HLCS: variants seen among roughly 807,000 people sequenced by gnomAD.
The protein encoded by HLCS is biotin--protein ligase.
In HLCS, 53 loss-of-function variants were observed where a neutral mutation model predicts 75.0. The observed-to-expected ratio is 0.71, with a 90% CI of 0.57 to 0.89. The LOEUF (loss-of-function observed/expected upper bound fraction) is 0.89, where lower values mean the gene tolerates loss of function less well. HLCS is among the 40% of genes least tolerant of loss of function. The pLI, the probability that HLCS is intolerant of heterozygous loss-of-function variation, is 0.00. For missense variants in HLCS, 966 were observed against 1,074.0 expected, an observed-to-expected ratio of 0.90 and a Z score of 1.41; for synonymous variants, 431 against 428.6, an observed-to-expected ratio of 1.01 and a Z score of -0.07.
intron 5 of HLCS, among the ~76,000 whole-genome samples, chr21:36,926,741 CTTTT>C (rs34057978): frequency 4.7e-5 from 6 of 127,062 alleles, no homozygotes; most frequent in African/African-American, 5.7e-5. Flanking sequence ...GTCTTGTTTC[CTTTT>C]TTTTTTTTTT....
chr21:36,850,804 C>T (rs1194852008), intron 6 of HLCS, among the ~76,000 whole-genome samples: 1 of 152,098 alleles, frequency 6.6e-6, no homozygotes, highest in Non-Finnish European at 1.5e-5. Context: ...AATGTTCATG[C>T]TACATTTTCT....
At chr21:36,906,629 C>T (rs2065467293) in intron 5 of HLCS, among the ~76,000 whole-genome samples, 1 of 145,408 alleles carries the variant, frequency 6.9e-6, no homozygotes, top group Admixed American at 6.9e-5. Flanking sequence ...GTCAATTCTT[C>T]AAATTAATCT....
intron 2 of HLCS, chr21:36,947,285 C>T (rs1324857006): frequency 2.2e-6 from 2 of 896,630 alleles, no homozygotes; most frequent in Non-Finnish European, 2.7e-6. Context: ...AAGAATACAT[C>T]CACACATCCC....
At chr21:36,798,535 C>T (rs184685065) in intron 6 of HLCS, among the ~76,000 whole-genome samples, 70 of 152,350 alleles carry the variant, frequency 4.6e-4, no homozygotes, top group African/African-American at 1.6e-3. Flanking sequence ...AACTGATTGA[C>T]TGACTGATTG....
rs78239909 is a variant in HLCS, at chr21:36,897,907, G to A, written c.1621-776C>T. ...GGTTTATCAGGAACTGAGGGCTGAG[G>A]GAAGTCATCATCTCAAGAGGCCTGT... is the stretch of plus-strand genomic sequence containing the variant. On this transcript the variant is annotated intron_variant, in intron 5 of 10. Coordinates refer to ENST00000674895, the MANE Select transcript of HLCS (RefSeq NM_001352514.2). 2.0e-3 allele frequency among the ~76,000 whole-genome samples: 301 copies of A among 152,252 alleles called. 3 individuals carry two copies. Among genetic ancestry groups the A allele is most frequent in the African/African-American group, 6.7e-3 (278 of 41,552 alleles).
At chr21:36,767,150 C>T in intron 7 of HLCS, 68 bp downstream of exon 7, 1 of 1,486,478 alleles carries the variant, frequency 6.7e-7, no homozygotes. Context: ...TCAATGGGCT[C>T]CTGGGCCACA....
chr21:36,953,281 G>C (rs556079985), intron 2 of HLCS, among the ~76,000 whole-genome samples: 1 of 152,146 alleles, frequency 6.6e-6, no homozygotes, highest in Non-Finnish European at 1.5e-5. Flanking sequence ...TTTTAAAGAG[G>C]AAACTGGTTG....
At chr21:36,933,707 G>A (rs2066753153) in intron 4 of HLCS, among the ~76,000 whole-genome samples, 1 of 152,140 alleles carries the variant, frequency 6.6e-6, no homozygotes, top group Admixed American at 6.5e-5. Context: ...GGCTATCCCG[G>A]AGATTAACCC....
intron 2 of HLCS, among the ~76,000 whole-genome samples, chr21:36,957,100 TG>T (rs1397510772): frequency 6.7e-6 from 1 of 149,828 alleles, no homozygotes; most frequent in African/African-American, 2.5e-5. Context: ...TGATAGAATC[TG>T]GAAGTTTGTC....
At chr21:36,847,247 G>C (rs534566377) in intron 6 of HLCS, among the ~76,000 whole-genome samples, 2 of 152,312 alleles carry the variant, frequency 1.3e-5, no homozygotes, top group East Asian at 1.9e-4. Flanking sequence ...TAAAGGCTTG[G>C]AGGGCATAAA....
At chr21:36,774,257 A>T (rs1179353228) in intron 6 of HLCS, among the ~76,000 whole-genome samples, 4 of 152,082 alleles carry the variant, frequency 2.6e-5, no homozygotes, top group Non-Finnish European at 5.9e-5. Flanking sequence ...GACCCTGGGG[A>T]TATTATTCCT....
chr21:36,965,924 T>TTTTG (rs1569260831), intron 1 of HLCS, among the ~76,000 whole-genome samples: 2 of 150,142 alleles, frequency 1.3e-5, no homozygotes, highest in South Asian at 2.1e-4. Flanking sequence ...CTAAGTGTTT[T>TTTTG]TTTTGTTTTG....
intron 6 of HLCS, chr21:36,804,379 G>A (rs566541843): frequency 7.5e-4 from 114 of 152,362 alleles, no homozygotes; most frequent in African/African-American, 2.6e-3. Flanking sequence ...TAAGTAACTC[G>A]AATTACTCAT....
intron 6 of HLCS, among the ~76,000 whole-genome samples, chr21:36,894,487 C>A (rs1046661959): frequency 1.3e-5 from 2 of 152,130 alleles, no homozygotes; most frequent in East Asian, 3.8e-4. Flanking sequence ...ACTGCCTCCC[C>A]GCGCCAGGAA....
chr21:36,919,435 G>A (rs1319855573), intron 5 of HLCS, among the ~76,000 whole-genome samples: 1 of 152,220 alleles, frequency 6.6e-6, no homozygotes, highest in African/African-American at 2.4e-5. Context: ...TGGTTGTTAT[G>A]TCCTGAGTTG....
At chr21:36,956,173 C>T (rs930476994) in intron 2 of HLCS, among the ~76,000 whole-genome samples, 3 of 151,560 alleles carry the variant, frequency 2.0e-5, no homozygotes, top group Admixed American at 2.0e-4. Flanking sequence ...ATCCAGACAA[C>T]TTAAAAATCT....
chr21:36,970,830 A>C (rs1373642635), upstream of HLCS, among the ~76,000 whole-genome samples: 1 of 151,928 alleles, frequency 6.6e-6, no homozygotes, highest in Non-Finnish European at 1.5e-5. Context: ...GTCTCTATTA[A>C]AAAATACAAA....
At chr21:36,878,090 T>C (rs1481023229) in intron 6 of HLCS, among the ~76,000 whole-genome samples, 1 of 152,048 alleles carries the variant, frequency 6.6e-6, no homozygotes, top group Non-Finnish European at 1.5e-5. Flanking sequence ...TGGCTTGGAG[T>C]TTGCTGAACT....
intron 6 of HLCS, among the ~76,000 whole-genome samples, chr21:36,896,228 T>C (rs1435960289): frequency 1.3e-5 from 2 of 152,206 alleles, no homozygotes; most frequent in African/African-American, 2.4e-5. Context: ...CGTGTGCCTA[T>C]AGTCCCAGCT....
Sources: gnomAD v4.1 joint callset for allele counts (sites outside exome capture counted in the v4.1 genomes callset) on GRCh38, gnomAD v4.1.1 for gene constraint, MANE v1.5 for transcripts, NCBI Gene and HGNC (gene_info 2026-07-23, HGNC 2026-07-21) for gene names.